NFATC3: variants seen among roughly 807,000 people sequenced by gnomAD.
The protein encoded by NFATC3 is nuclear factor of activated T-cells, cytoplasmic 3.
A neutral mutation model predicts 98.6 loss-of-function variants in NFATC3; 46 were observed. That is an observed-to-expected ratio of 0.47 (90% CI 0.37 to 0.60). NFATC3 has a LOEUF of 0.60. Among genes scored for constraint, NFATC3 ranks in the 20% least tolerant of loss-of-function variants. The pLI, the probability that NFATC3 is intolerant of heterozygous loss-of-function variation, is 0.00. For synonymous variants in NFATC3, 512 were observed against 472.2 expected (o/e 1.08, Z -1.09); for missense variants, 1,256 against 1,295.5 (o/e 0.97, Z 0.47).
At chr16:68,172,604 G>A (rs993265779) in intron 5 of NFATC3, among the ~76,000 whole-genome samples, 1 of 151,912 alleles carries the variant, frequency 6.6e-6, no homozygotes, top group Non-Finnish European at 1.5e-5. Flanking sequence ...AACATAATAA[G>A]ACCCTGTCTC....
At chr16:68,099,792 C>T (rs763912377) in intron 1 of NFATC3, among the ~76,000 whole-genome samples, 1 of 151,964 alleles carries the variant, frequency 6.6e-6, no homozygotes, top group South Asian at 2.1e-4. Context: ...TTAAGTCATA[C>T]ACTATGGGAC....
Position 68,123,087 on chromosome 16 carries a change from A to G in NFATC3, c.1204A>G (p.Ser402Gly). The change falls in exon 2 of 10, where the codon AGC becomes GGC. Residue 402 changes from serine to glycine, a missense_variant. Physicochemically the swap from Ser to Gly is moderately conservative, Grantham distance 56. This residue lies in a region of NFATC3 where 156 missense variants were observed against 212.4 expected (regional missense o/e 0.73). Transcript: ENST00000346183. Reference protein sequence around the residue: ...FLSVPSPFTWSKPKPGHTPIF... With the variant: ...FLSVPSPFTWGKPKPGHTPIF... Reference sequence around the variant, plus strand: ...TTCAGTTCCTTCACCCTTTACCTGGAGCAAACCAAAGCCTGGCCACACCCC... The same window carrying G: ...TTCAGTTCCTTCACCCTTTACCTGGGGCAAACCAAAGCCTGGCCACACCCC... The G allele has an allele frequency of 6.2e-7, 1 of 1,605,288 alleles. No homozygotes were observed. The highest frequency in any genetic ancestry group is 8.5e-7 in the Non-Finnish European group (1 of 1,179,788).
intron 3 of NFATC3, among the ~76,000 whole-genome samples, chr16:68,152,364 G>A (rs2151564266): frequency 7.9e-6 from 1 of 126,450 alleles, no homozygotes; most frequent in Middle Eastern, 5.7e-3. Context: ...GGGCAACAGA[G>A]CGAGACTCTG....
chr16:68,195,762 T>C (rs1232866648), intron 9 of NFATC3, among the ~76,000 whole-genome samples: 1 of 151,994 alleles, frequency 6.6e-6, no homozygotes, highest in Non-Finnish European at 1.5e-5. Context: ...GAGCCGAGAT[T>C]GGGCCACTAC....
chr16:68,090,568 A>G (rs2034658072), intron 1 of NFATC3, among the ~76,000 whole-genome samples: 1 of 152,184 alleles, frequency 6.6e-6, no homozygotes, highest in Non-Finnish European at 1.5e-5. Context: ...AGTCTTTTAA[A>G]TGTTACTTAC....
At chr16:68,142,475 C>G (rs1181876748) in intron 3 of NFATC3, among the ~76,000 whole-genome samples, 2 of 151,938 alleles carry the variant, frequency 1.3e-5, no homozygotes, top group African/African-American at 2.4e-5. Flanking sequence ...ATCTAGGAGT[C>G]GGCCTGGCAT....
At chr16:68,216,473 A>G (rs2041640331) in intron 9 of NFATC3, among the ~76,000 whole-genome samples, 1 of 152,110 alleles carries the variant, frequency 6.6e-6, no homozygotes, top group Non-Finnish European at 1.5e-5. Flanking sequence ...AGTTAAAAAC[A>G]TTTCCTAGAG....
At chr16:68,216,499 C>T (rs528349107) in intron 9 of NFATC3, among the ~76,000 whole-genome samples, 1 of 151,856 alleles carries the variant, frequency 6.6e-6, no homozygotes, top group Non-Finnish European at 1.5e-5. Context: ...ATTGTTATGA[C>T]GTTGATTATA....
chr16:68,126,045 ACCATGC>A (rs1242956501), intron 2 of NFATC3, among the ~76,000 whole-genome samples: 4 of 152,080 alleles, frequency 2.6e-5, no homozygotes, highest in Non-Finnish European at 5.9e-5. Context: ...GGTGAGTGCC[ACCATGC>A]CCAGCTAATT....
Position 68,137,859 on chromosome 16 carries a change from G to A in NFATC3, c.1401+11249G>A, listed in dbSNP as rs542893094. Among the ~76,000 whole-genome samples, 260 of 151,998 alleles carry A rather than the reference G, an allele frequency of 1.7e-3. 1 individual carries two copies. Among genetic ancestry groups the A allele is most frequent in the South Asian group, 0.017 (81 of 4,822 alleles). On this transcript the variant is annotated intron_variant, in intron 3 of 9. Coordinates refer to ENST00000346183, the MANE Select transcript of NFATC3 (RefSeq NM_173165.3). ...TCACGATCTTCTGACCTCGTGATCC[G>A]CCCTCCTCGGTCGGCCTCCCAAAGT...
In NFATC3 at chr16:68,191,374, T is replaced by C. The variant is rs1447097561; in HGVS notation, c.2705T>C (p.Ile902Thr). 1 of 1,614,182 alleles carries C rather than the reference T, an allele frequency of 6.2e-7. No individual in the cohort carries two copies. Among genetic ancestry groups the C allele is most frequent in the South Asian group, 1.1e-5 (1 of 91,086 alleles). ...RSLSSPVADQ[I>T]TGQPSSQLQP... ...CTTTCTTCTCCAGTGGCTGACCAGA[T>C]TACAGGTCAGCCTTCGTCTCAGTTA... The change falls in exon 9 of 10, where the codon ATT (isoleucine) becomes ACT (threonine). Residue 902 changes from isoleucine (I) to threonine (T), a missense_variant. Physicochemically the swap from Ile to Thr is moderately conservative, Grantham distance 89 (BLOSUM62 -1). Coordinates refer to ENST00000346183, the MANE Select transcript of NFATC3 (RefSeq NM_173165.3).
At chr16:68,102,104 G>C (rs1346660746) in intron 1 of NFATC3, among the ~76,000 whole-genome samples, 1 of 152,002 alleles carries the variant, frequency 6.6e-6, no homozygotes, top group Non-Finnish European at 1.5e-5. Flanking sequence ...AGGCGCAGTG[G>C]CTCACGCCTG....
Position 68,085,731 on chromosome 16 carries a change from T to A in NFATC3, c.50T>A (p.Val17Asp). The A allele has an allele frequency of 6.6e-7, 1 of 1,511,788 alleles. No homozygotes were observed. The highest frequency in any genetic ancestry group is 8.8e-7 in the Non-Finnish European group (1 of 1,132,446). 93.6% of individuals were successfully genotyped at this position (1,511,788 alleles called of 1,614,324 possible). The change falls in exon 1 of 10, where the codon GTC becomes GAC. Residue 17 changes from valine to aspartate, a missense_variant. Around this residue, in one of 3 missense-constraint regions of NFATC3, gnomAD observed 464 missense variants for 465.7 expected, o/e 1.00. Coordinates refer to ENST00000346183, the MANE Select transcript of NFATC3 (RefSeq NM_173165.3). ...CACGACGAGCTCGACTTCAAACTCGTCTTTGGCGAGGACGGGGCGCCGGCG... is the reference window on the plus strand; with the variant it reads ...CACGACGAGCTCGACTTCAAACTCGACTTTGGCGAGGACGGGGCGCCGGCG... Reference protein sequence around the residue: ...GAHDELDFKLVFGEDGAPAPP... With the variant: ...GAHDELDFKLDFGEDGAPAPP...
Position 68,226,440 on chromosome 16 carries a change from C to T in NFATC3, c.3197C>T (p.Ser1066Phe). 6.4e-7 allele frequency: 1 copy of T among 1,561,448 alleles called. No homozygotes were observed. The highest frequency in any genetic ancestry group is 8.6e-7 in the Non-Finnish European group (1 of 1,159,548). ...SRQAPLPSPE[S>F]LDLGRSDGL ...CAGGCTCCCCTCCCGAGTCCTGAGT[C>T]CCTGGATTTAGGAAGATCTGATGGG... Residue 1066 changes from serine to phenylalanine, a missense_variant, in exon 10 of 10, where the codon TCC becomes TTC. Transcript: ENST00000346183.
At chr16:68,109,036 CCT>C (rs2035810373) in intron 1 of NFATC3, among the ~76,000 whole-genome samples, 1 of 152,128 alleles carries the variant, frequency 6.6e-6, no homozygotes. Flanking sequence ...AATTTGACTC[CCT>C]CTCTTCCTAT....
intron 1 of NFATC3, among the ~76,000 whole-genome samples, chr16:68,099,125 T>C (rs552331254): frequency 6.6e-6 from 1 of 152,320 alleles, no homozygotes; most frequent in African/African-American, 2.4e-5. Flanking sequence ...TTAGTGTAAC[T>C]ACTACCATGA....
chr16:68,119,642 A>G (rs932020490), intron 1 of NFATC3, among the ~76,000 whole-genome samples: 5 of 152,178 alleles, frequency 3.3e-5, no homozygotes, highest in African/African-American at 7.2e-5. Context: ...TTACATTAAT[A>G]TTCTTCTGCT....
intron 3 of NFATC3, among the ~76,000 whole-genome samples, chr16:68,135,117 G>T (rs59964771): frequency 1.9e-3 from 292 of 152,016 alleles, no homozygotes; most frequent in African/African-American, 6.7e-3. Flanking sequence ...ACTTCATAGT[G>T]CCTTCAGAGT....
intron 3 of NFATC3, among the ~76,000 whole-genome samples, chr16:68,137,423 G>T (rs1014569769): frequency 6.6e-6 from 1 of 151,808 alleles, no homozygotes; most frequent in Admixed American, 6.6e-5. Context: ...CATTATATAC[G>T]GTCTGTCATT....
Sources: gnomAD v4.1 joint callset for allele counts (sites outside exome capture counted in the v4.1 genomes callset) on GRCh38, gnomAD v4.1.1 for gene constraint, gnomAD v4.1.1 regional missense constraint, MANE v1.5 for transcripts, NCBI Gene and HGNC (gene_info 2026-07-23, HGNC 2026-07-21) for gene names.